LRRC31: variants seen among roughly 807,000 people sequenced by gnomAD.
The protein encoded by LRRC31 is leucine rich repeat containing 31, also known as leucine-rich repeat-containing protein 31.
In LRRC31, 35 loss-of-function variants were observed where a neutral mutation model predicts 46.7. The ratio of observed to expected loss-of-function variants is 0.75; its 90% CI spans 0.57 to 0.99. LRRC31 has a LOEUF of 0.99. Among genes scored for constraint, LRRC31 ranks in the 50% least tolerant of loss-of-function variants. The pLI, the probability that LRRC31 is intolerant of heterozygous loss-of-function variation, is 0.00. For synonymous variants in LRRC31, 236 were observed against 235.1 expected, an observed-to-expected ratio of 1.00 and a Z score of -0.03; for missense variants, 613 against 626.1, an observed-to-expected ratio of 0.98 and a Z score of 0.22.
At chr3:169,851,951 T>C (rs2108209065) in intron 6 of LRRC31, among the ~76,000 whole-genome samples, 165 bp from the exon 7 acceptor site, 1 of 149,520 alleles carries the variant, frequency 6.7e-6, no homozygotes, top group East Asian at 2.0e-4. Context: ...AGCATGCTGC[T>C]TGGGCTTTCT....
rs1284507354 is a variant in LRRC31, at chr3:169,858,956, A to G, written c.487+1605T>C. On this transcript the variant is annotated intron_variant, in intron 3 of 8. Transcript: ENST00000316428. ...AGGAGGCGGAGGTTTCAGTGAGCCAAGATTGCACCACTGCACTCCAGCCTG... is the reference window on the plus strand; with the variant it reads ...AGGAGGCGGAGGTTTCAGTGAGCCAGGATTGCACCACTGCACTCCAGCCTG... 2.2e-5 allele frequency among the ~76,000 whole-genome samples: 3 copies of G among 138,278 alleles called. No homozygotes were observed. The Admixed American group carries it at 2.2e-4, about 10-fold the overall frequency. The allele number at this position is 138,278 out of a possible 152,430, so 90.7% of individuals were successfully genotyped here.
At chr3:169,840,687 TC>T (rs1308246560) in intron 8 of LRRC31, among the ~76,000 whole-genome samples, 1 of 152,228 alleles carries the variant, frequency 6.6e-6, no homozygotes, top group Admixed American at 6.5e-5. Context: ...CTTTAATTGT[TC>T]ATTTTCATTC....
chr3:169,856,626 T>G, intron 4 of LRRC31, 79 bp downstream of exon 4: 1 of 1,448,962 alleles, frequency 6.9e-7, no homozygotes, highest in African/African-American at 1.4e-5. Flanking sequence ...AAATTCAGAA[T>G]AAGACAAAAC....
Position 169,839,835 on chromosome 3 carries a change from AAT to A in LRRC31, c.*145_*146del, listed in dbSNP as rs140604956. 1,785 of 241,342 alleles carry A rather than the reference AAT, an allele frequency of 7.4e-3. 3 individuals are homozygous for A. The highest frequency in any genetic ancestry group is 0.017 in the Middle Eastern group (12 of 720). 15.0% of individuals were successfully genotyped at this position (241,342 alleles called of 1,614,324 possible). ...ATATGTATATTACATATATATATGTAATATATATATATATTTACAAAGCTCTT... is the reference window on the plus strand; with the variant it reads ...ATATGTATATTACATATATATATGTAATATATATATATTTACAAAGCTCTT... On this transcript the variant is annotated 3_prime_UTR_variant, in exon 9 of 9. Transcript: ENST00000316428.
Position 169,840,074 on chromosome 3 carries a change from A to C in LRRC31, c.1567T>G (p.Trp523Gly). ...PQITEIGMKRWILPASQEEEL... is the reference protein window; with the variant it reads ...PQITEIGMKRGILPASQEEEL... ...TCCTCCTGTGAAGCTGGGAGAATCC[A>C]TCTTTTCATTCCTATCTCAGTGATC... Residue 523 changes from tryptophan to glycine, a missense_variant, in exon 9 of 9, where the codon TGG (tryptophan) becomes GGG (glycine). Trp to Gly is a radical substitution (Grantham distance 184). Transcript: ENST00000316428. 1 of 1,614,114 alleles carries C rather than the reference A, an allele frequency of 6.2e-7. No homozygotes were observed. Among genetic ancestry groups the C allele is most frequent in the Non-Finnish European group, 8.5e-7 (1 of 1,180,004 alleles).
rs781005691 is a variant in LRRC31 at position 169,840,208 on chromosome 3, C to T, written c.1433G>A (p.Arg478Gln). The change falls in exon 9 of 9, where the codon CGG becomes CAG. Residue 478 changes from arginine (R) to glutamine (Q), a missense_variant. By Grantham distance (43) the Arg-to-Gln change is conservative (BLOSUM62 1). Coordinates refer to ENST00000316428, the MANE Select transcript of LRRC31 (RefSeq NM_024727.4). ...AGWTMFCQNVRFLKELIELDI... is the reference protein window; with the variant it reads ...AGWTMFCQNVQFLKELIELDI... ...CAGCTCGATTAGCTCTTTGAGGAAC[C>T]GCACGTTTTGGCAGAACATGGTCCA... is the stretch of plus-strand genomic sequence containing the variant. 3.0e-5 allele frequency: 49 copies of T among 1,613,978 alleles called. No homozygotes were observed. The highest frequency in any genetic ancestry group is 7.7e-5 in the South Asian group (7 of 91,088).
chr3:169,857,428 A>T (rs1456777927), intron 3 of LRRC31, among the ~76,000 whole-genome samples: 1 of 144,134 alleles, frequency 6.9e-6, no homozygotes, highest in Non-Finnish European at 1.5e-5. Flanking sequence ...ATATATATAT[A>T]TGAGGAATAT....
chr3:169,842,319 C>A (rs1270845130), intron 8 of LRRC31, among the ~76,000 whole-genome samples: 1 of 152,044 alleles, frequency 6.6e-6, no homozygotes, highest in African/African-American at 2.4e-5. Context: ...ATTGCTAAAA[C>A]CACATATAGT....
chr3:169,864,430 AC>A, intron 1 of LRRC31, among the ~76,000 whole-genome samples: 1 of 152,286 alleles, frequency 6.6e-6, no homozygotes, highest in Admixed American at 6.5e-5. Context: ...CAGTCAAAAG[AC>A]CTGATCCAAA....
At position 169,857,415 on chromosome 3, in the gene LRRC31, C is replaced by CATATATACATATATATAT. The variant is rs144038208; in HGVS notation, c.488-544_488-543insATATATATATGTATATAT. Reference sequence around the variant, plus strand: ...ATACATACACACACATATACATATACATATATATATATATGAGGAATATCA... The same window carrying CATATATACATATATATAT: ...ATACATACACACACATATACATATACATATATACATATATATATATATATATATATATGAGGAATATCA... On this transcript the variant is annotated intron_variant, in intron 3 of 8. Transcript: ENST00000316428. Among the ~76,000 whole-genome samples the CATATATACATATATATAT allele has an allele frequency of 2.3e-3, 230 of 98,672 alleles. 8 individuals carry two copies. Among genetic ancestry groups the CATATATACATATATATAT allele is most frequent in the African/African-American group, 7.0e-3 (192 of 27,618 alleles). The allele number at this position is 98,672 out of a possible 152,430, so 64.7% of individuals were successfully genotyped here.
chr3:169,856,245 A>G, intron 5 of LRRC31, 91 bp downstream of exon 5: 1 of 561,670 alleles, frequency 1.8e-6, no homozygotes. Flanking sequence ...ATATTTTGCT[A>G]TATTTCCTAG....
rs1324128884 is a variant in LRRC31, at chr3:169,867,038, G to GTTTTTTTTTTT, written c.175+2594_175+2595insAAAAAAAAAAA. Among the ~76,000 whole-genome samples, 116 of 126,284 alleles carry GTTTTTTTTTTT rather than the reference G, an allele frequency of 9.2e-4. 18 individuals are homozygous for GTTTTTTTTTTT. The highest frequency in any genetic ancestry group is 4.8e-3 in the African/African-American group (106 of 22,198). 82.8% of individuals were successfully genotyped at this position (126,284 alleles called of 152,430 possible). ...GTCTCAGAAAGAAAATTGGCCATGG[G>GTTTTTTTTTTT]TTTTTTTTGTTTGTTTGTTTGTTTT... On this transcript the variant is annotated intron_variant, in intron 1 of 8. Transcript: ENST00000316428.
At chr3:169,853,526 C>A (rs1576790322) in intron 6 of LRRC31, 1 of 985,670 alleles carries the variant, frequency 1.0e-6, no homozygotes, top group African/African-American at 1.7e-5. Flanking sequence ...ATGTGGTATT[C>A]ATGTTATTTA....
At chr3:169,858,901 G>C in intron 3 of LRRC31, among the ~76,000 whole-genome samples, 1 of 150,188 alleles carries the variant, frequency 6.7e-6, no homozygotes, top group African/African-American at 2.5e-5. Context: ...AGCTACTTGG[G>C]AGGCTGAGGC....
At chr3:169,856,961 A>T in intron 3 of LRRC31, 89 bp from the exon 4 acceptor site, 1 of 1,328,218 alleles carries the variant, frequency 7.5e-7, no homozygotes, top group South Asian at 1.5e-5. Flanking sequence ...TGATTAATGG[A>T]GTGTGGAAAC....
chr3:169,857,345 T>TACACAC lies in LRRC31; in HGVS notation c.488-479_488-474dup, dbSNP rs1180073387. Among the ~76,000 whole-genome samples the TACACAC allele has an allele frequency of 4.4e-4, 39 of 89,384 alleles. 1 individual carries two copies. Among genetic ancestry groups the TACACAC allele is most frequent in the African/African-American group, 1.1e-3 (23 of 21,268 alleles). 58.6% of individuals were successfully genotyped at this position (89,384 alleles called of 152,430 possible). A position where few individuals can be genotyped will look rare whatever the true frequency, so the allele number is the denominator to read the frequency against. On this transcript the variant is annotated intron_variant, in intron 3 of 8. Coordinates refer to ENST00000316428, the MANE Select transcript of LRRC31 (RefSeq NM_024727.4). ...ATATATATATATATATATATATATA[T>TACACAC]ACACACACACACACACACACACACA... is the stretch of plus-strand genomic sequence containing the variant.
At chr3:169,862,867 ATTTCTTTTTTC>A (rs1432537963) in intron 1 of LRRC31, among the ~76,000 whole-genome samples, 2 of 151,418 alleles carry the variant, frequency 1.3e-5, no homozygotes, top group Non-Finnish European at 2.9e-5. Context: ...AGGTGCCAGC[ATTTCTTTTTTC>A]TTTCTTTTTT....
chr3:169,860,142 T>A (rs1221168483), intron 3 of LRRC31, among the ~76,000 whole-genome samples: 1 of 151,308 alleles, frequency 6.6e-6, no homozygotes, highest in Non-Finnish European at 1.5e-5. Context: ...AGCCTCCATC[T>A]CAAAAAAATA....
At chr3:169,853,809 A>C (rs1780861500) in intron 6 of LRRC31, 2 of 663,936 alleles carry the variant, frequency 3.0e-6, no homozygotes, top group Non-Finnish European at 1.9e-6. Context: ...TCCTCCCCAA[A>C]TTGTACTATA....
Sources: gnomAD v4.1 joint callset for allele counts (sites outside exome capture counted in the v4.1 genomes callset) on GRCh38, gnomAD v4.1.1 for gene constraint, MANE v1.5 for transcripts, NCBI Gene and HGNC (gene_info 2026-07-23, HGNC 2026-07-21) for gene names.